EFCAB7: variants seen among roughly 807,000 people sequenced by gnomAD.
EFCAB7 encodes EF-hand calcium binding domain 7, also known as EF-hand calcium-binding domain-containing protein 7.
In EFCAB7, 66 loss-of-function variants were observed where a neutral mutation model predicts 77.1. The observed-to-expected ratio is 0.86, with a 90% CI of 0.70 to 1.05. The LOEUF (loss-of-function observed/expected upper bound fraction) is 1.05, where lower values mean the gene tolerates loss of function less well. Among genes scored for constraint, EFCAB7 ranks in the 50% least tolerant of loss-of-function variants. EFCAB7 has a pLI of 0.00. For synonymous variants in EFCAB7, 225 were observed against 243.3 expected (o/e 0.92, Z 0.70); for missense variants, 638 against 730.5 (o/e 0.87, Z 1.46).
chr1:63,558,888 T>C (rs1647060352), intron 10 of EFCAB7, among the ~76,000 whole-genome samples: 1 of 151,842 alleles, frequency 6.6e-6, no homozygotes. Context: ...ATTTTAGGTT[T>C]ACAGAAAAAA....
the EFCAB7 span, among the ~76,000 whole-genome samples, chr1:63,580,957 T>A: frequency 0.065 from 9,859 of 152,104 alleles, 1,108 homozygotes; most frequent in African/African-American, 0.22. Context: ...GGTTTTTTTT[T>A]ATTGTGTTTT....
intron 6 of EFCAB7, chr1:63,534,467 T>C: frequency 3.6e-6 from 1 of 275,068 alleles, no homozygotes. Context: ...TCAAGTTATA[T>C]ACTTTGGGAA....
rs758170306 is a variant in EFCAB7, at chr1:63,533,444, T to C, written c.487-10T>C. The C allele has an allele frequency of 6.3e-7, 1 of 1,594,942 alleles. No individual in the cohort carries two copies. Among genetic ancestry groups the C allele is most frequent in the Non-Finnish European group, 8.5e-7 (1 of 1,174,586 alleles). On this transcript the variant is annotated splice_polypyrimidine_tract_variant and intron_variant, in intron 4 of 13. Coordinates refer to ENST00000371088, the MANE Select transcript of EFCAB7 (RefSeq NM_032437.4). ...AATGTTTTACCCACTGGACTTTTTTTTTCCTGTAGTTTTGTAAATTATATA... is the reference window on the plus strand; with the variant it reads ...AATGTTTTACCCACTGGACTTTTTTCTTCCTGTAGTTTTGTAAATTATATA...
At chr1:63,581,516 A>T in the EFCAB7 span, among the ~76,000 whole-genome samples, 1 of 152,094 alleles carries the variant, frequency 6.6e-6, no homozygotes, top group Admixed American at 6.6e-5. Context: ...TCTGATCTGA[A>T]ACCTGACTGA....
At chr1:63,541,947 A>G (rs1206075732) in intron 6 of EFCAB7, among the ~76,000 whole-genome samples, 1 of 152,228 alleles carries the variant, frequency 6.6e-6, no homozygotes, top group African/African-American at 2.4e-5. Flanking sequence ...GGTAAAATAT[A>G]CAAAACATAA....
intron 4 of EFCAB7, 151 bp downstream of exon 4, chr1:63,532,907 A>G (rs939836859): frequency 2.4e-5 from 14 of 582,408 alleles, no homozygotes; most frequent in Admixed American, 1.2e-4. Flanking sequence ...ATCAGTTAAC[A>G]TGTCAACTAA....
chr1:63,536,184 A>G (rs960474857), intron 6 of EFCAB7, among the ~76,000 whole-genome samples: 4 of 152,248 alleles, frequency 2.6e-5, no homozygotes, highest in African/African-American at 9.6e-5. Flanking sequence ...AGTTTCATAT[A>G]AAATGTAATG....
At chr1:63,564,137 A>G (rs374080616) in intron 11 of EFCAB7, among the ~76,000 whole-genome samples, 3 of 152,280 alleles carry the variant, frequency 2.0e-5, no homozygotes, top group Admixed American at 6.5e-5. Context: ...AAATTTAAGT[A>G]ACATCCCATA....
At chr1:63,583,938 CAAA>C in the EFCAB7 span, among the ~76,000 whole-genome samples, 5 of 82,628 alleles carry the variant, frequency 6.1e-5, no homozygotes, top group Admixed American at 1.4e-4. Context: ...TGGATATGGC[CAAA>C]AAAAAAAAAA....
At chr1:63,526,560 C>G (rs924357774) in intron 2 of EFCAB7, among the ~76,000 whole-genome samples, 1 of 152,066 alleles carries the variant, frequency 6.6e-6, no homozygotes. Context: ...TTGAGGAATA[C>G]AAGAATTGAC....
At chr1:63,556,733 C>G (rs914520868) in intron 9 of EFCAB7, among the ~76,000 whole-genome samples, 3 of 151,952 alleles carry the variant, frequency 2.0e-5, no homozygotes, top group African/African-American at 7.3e-5. Context: ...CTCATAGAAC[C>G]CTTCTTCAGC....
Position 63,551,721 on chromosome 1 carries a change from G to A in EFCAB7, c.947-4G>A, listed in dbSNP as rs768578980. The A allele has an allele frequency of 1.4e-6, 2 of 1,465,046 alleles. No homozygotes were observed. The highest frequency in any genetic ancestry group is 2.3e-5 in the Admixed American group (1 of 44,298). 90.8% of individuals were successfully genotyped at this position (1,465,046 alleles called of 1,614,324 possible). Reference sequence around the variant, plus strand: ...GGTGTTTGGGCTTTTTTTTTTGTTTGTAGGAAAACCATCCCCTTGGTTATC... The same window carrying A: ...GGTGTTTGGGCTTTTTTTTTTGTTTATAGGAAAACCATCCCCTTGGTTATC... On this transcript the variant is annotated splice_region_variant and splice_polypyrimidine_tract_variant and intron_variant, in intron 7 of 13. Coordinates refer to ENST00000371088, the MANE Select transcript of EFCAB7 (RefSeq NM_032437.4).
Position 63,555,506 on chromosome 1 carries a change from A to T in EFCAB7, c.1205A>T (p.Lys402Met), listed in dbSNP as rs780388549. The T allele has an allele frequency of 1.9e-5, 30 of 1,611,570 alleles. No homozygotes were observed. The highest frequency in any genetic ancestry group is 1.7e-5 in the Admixed American group (1 of 59,494). Residue 402 changes from lysine to methionine, a missense_variant, in exon 9 of 14, where the codon AAG (lysine) becomes ATG (methionine). Lys to Met is a moderately conservative substitution (Grantham distance 95, BLOSUM62 -1). Coordinates refer to ENST00000371088, the MANE Select transcript of EFCAB7 (RefSeq NM_032437.4). ...RDETGELFLT[K>M]EFKSTLSDIF... ...GAAACAGGGGAATTATTCCTTACAA[A>T]GGAATTTAAGTAAGTTTTGTTTATT...
the EFCAB7 span, among the ~76,000 whole-genome samples, chr1:63,580,047 AG>A: frequency 1.9e-4 from 29 of 152,166 alleles, no homozygotes; most frequent in African/African-American, 6.8e-4. Context: ...TGGATCGTAT[AG>A]AGAGTGAAAG....
At chr1:63,565,241 C>T (rs1210216478) in intron 11 of EFCAB7, among the ~76,000 whole-genome samples, 1 of 152,072 alleles carries the variant, frequency 6.6e-6, no homozygotes, top group African/African-American at 2.4e-5. Context: ...TGCCTGTAGT[C>T]CCAGCTACTC....
At chr1:63,584,979 T>A in the EFCAB7 span, among the ~76,000 whole-genome samples, 1 of 152,234 alleles carries the variant, frequency 6.6e-6, no homozygotes, top group Non-Finnish European at 1.5e-5. Flanking sequence ...TTTTCTTAAT[T>A]GGAAATGTCT....
At chr1:63,555,772 C>T (rs1647023729) in intron 9 of EFCAB7, among the ~76,000 whole-genome samples, 2 of 151,584 alleles carry the variant, frequency 1.3e-5, no homozygotes, top group South Asian at 4.2e-4. Context: ...GAGTTTTGCT[C>T]TGTTACCCAG....
chr1:63,572,066 T>C (rs1647278211), intron 13 of EFCAB7, among the ~76,000 whole-genome samples: 1 of 152,214 alleles, frequency 6.6e-6, no homozygotes, highest in Admixed American at 6.5e-5. Flanking sequence ...CCTTTCTTTC[T>C]CCATACTGTC....
downstream of EFCAB7, among the ~76,000 whole-genome samples, chr1:63,574,854 G>A (rs1402790335): frequency 1.3e-5 from 2 of 152,182 alleles, no homozygotes; most frequent in African/African-American, 2.4e-5. Context: ...GCGAGGTCTC[G>A]AGTTAAGGCA....
Sources: allele counts gnomAD v4.1 joint callset (sites outside exome capture counted in the v4.1 genomes callset), GRCh38; gene constraint gnomAD v4.1.1; transcripts MANE v1.5; gene names NCBI Gene and HGNC (gene_info 2026-07-23, HGNC 2026-07-21).